WWOX: variants seen among roughly 807,000 people sequenced by gnomAD.
WWOX encodes WW domain-containing oxidoreductase.
In WWOX, 69 loss-of-function variants were observed where a neutral mutation model predicts 46.2. The ratio of observed to expected loss-of-function variants is 1.49; its 90% CI spans 1.23 to 1.82. The LOEUF (loss-of-function observed/expected upper bound fraction) is 1.82. Ranked by LOEUF, WWOX falls within the 40% of genes most tolerant of loss-of-function variation. The pLI is 0.00. For missense variants in WWOX, 919 were observed against 542.6 expected (o/e 1.69, Z -6.89); for synonymous variants, 359 against 202.6 (o/e 1.77, Z -6.56).
chr16:78,481,849 T>C (rs1225465830), intron 8 of WWOX, among the ~76,000 whole-genome samples: 1 of 151,114 alleles, frequency 6.6e-6, no homozygotes, highest in Non-Finnish European at 1.5e-5. Flanking sequence ...TATGAACCTT[T>C]TCTATTAATC....
intron 8 of WWOX, among the ~76,000 whole-genome samples, chr16:78,654,087 C>G (rs947944450): frequency 1.3e-5 from 2 of 152,162 alleles, no homozygotes; most frequent in African/African-American, 4.8e-5. Context: ...AATGCCTTCT[C>G]CTAAATCCAG....
intron 8 of WWOX, among the ~76,000 whole-genome samples, chr16:79,109,124 A>C (rs931854994): frequency 6.6e-6 from 1 of 151,980 alleles, no homozygotes; most frequent in African/African-American, 2.4e-5. Context: ...CTTGACAATA[A>C]ATGAGAACAA....
chr16:79,084,523 C>T (rs993131052), intron 8 of WWOX, among the ~76,000 whole-genome samples: 1 of 152,064 alleles, frequency 6.6e-6, no homozygotes, highest in Non-Finnish European at 1.5e-5. Flanking sequence ...CAGGTTCAGT[C>T]GATTCTCCTG....
chr16:78,859,050 G>GTATATATATATATATATATACGTATA (rs2052652341), intron 8 of WWOX, among the ~76,000 whole-genome samples: 3 of 40,844 alleles, frequency 7.3e-5, no homozygotes, highest in African/African-American at 3.3e-4. Flanking sequence ...ATATATATAT[G>GTATATATATATATATATATACGTATA]TATATATATA....
intron 5 of WWOX, among the ~76,000 whole-genome samples, chr16:78,309,338 A>C (rs1010683212): frequency 3.5e-4 from 54 of 152,258 alleles, no homozygotes; most frequent in Admixed American, 1.0e-3. Context: ...CCTGATTATA[A>C]GTTTCTTGAG....
intron 8 of WWOX, among the ~76,000 whole-genome samples, chr16:78,602,756 A>C (rs549747220): frequency 5.9e-5 from 9 of 152,314 alleles, no homozygotes; most frequent in African/African-American, 1.9e-4. Flanking sequence ...CACTGCACAA[A>C]ATGGTTTACA....
chr16:79,042,088 GCCTGCACCTGCTTGCTCTTGGTTAA>G (rs2047982252), intron 8 of WWOX, among the ~76,000 whole-genome samples: 1 of 152,088 alleles, frequency 6.6e-6, no homozygotes, highest in South Asian at 2.1e-4. Flanking sequence ...TGTTCCAGGT[GCCTGCACCTGCTTGCTCTTGGTTAA>G]CCTGCACCCA....
At chr16:78,506,733 A>G in intron 8 of WWOX, among the ~76,000 whole-genome samples, 1 of 111,086 alleles carries the variant, frequency 9.0e-6, no homozygotes, top group South Asian at 3.0e-4. Flanking sequence ...TTTTTTGTAC[A>G]GAGTCTTGCT....
At chr16:78,493,635 A>G (rs2084840324) in intron 8 of WWOX, among the ~76,000 whole-genome samples, 1 of 152,210 alleles carries the variant, frequency 6.6e-6, no homozygotes, top group Non-Finnish European at 1.5e-5. Context: ...ATATGTATCT[A>G]GTACTTGCTA....
chr16:78,396,798 C>T (rs969946879), intron 6 of WWOX, among the ~76,000 whole-genome samples: 1 of 152,188 alleles, frequency 6.6e-6, no homozygotes, highest in South Asian at 2.1e-4. Context: ...TTGAGTGTTA[C>T]ATGAGACTAT....
At chr16:78,846,444 G>C (rs537253210) in intron 8 of WWOX, among the ~76,000 whole-genome samples, 1 of 151,768 alleles carries the variant, frequency 6.6e-6, no homozygotes, top group Admixed American at 6.6e-5. Flanking sequence ...TTTTTTAATG[G>C]CCTTGAAATT....
At chr16:78,753,250 A>C (rs1369926845) in intron 8 of WWOX, among the ~76,000 whole-genome samples, 1 of 151,962 alleles carries the variant, frequency 6.6e-6, no homozygotes, top group African/African-American at 2.4e-5. Context: ...CAGTGAGCCG[A>C]GATTACACCA....
At chr16:79,137,411 G>C (rs2050003266) in intron 8 of WWOX, among the ~76,000 whole-genome samples, 1 of 152,168 alleles carries the variant, frequency 6.6e-6, no homozygotes, top group African/African-American at 2.4e-5. Context: ...TGATAACTTG[G>C]AGATGTAAGC....
At chr16:79,157,277 G>A (rs2050399975) in intron 8 of WWOX, among the ~76,000 whole-genome samples, 1 of 152,086 alleles carries the variant, frequency 6.6e-6, no homozygotes, top group Non-Finnish European at 1.5e-5. Context: ...GTTCATTTTA[G>A]TAGCAAGAAA....
At chr16:78,753,766 C>T (rs115153141) in intron 8 of WWOX, among the ~76,000 whole-genome samples, 1,453 of 129,328 alleles carry the variant, frequency 0.011, 28 homozygotes, top group African/African-American at 0.042. Context: ...CACACCACTG[C>T]AGTCAAGCCT....
At chr16:78,493,109 G>A (rs1175256388) in intron 8 of WWOX, among the ~76,000 whole-genome samples, 3 of 152,126 alleles carry the variant, frequency 2.0e-5, no homozygotes, top group Admixed American at 6.6e-5. Context: ...TTTTAGGTTT[G>A]GTGATTTACT....
chr16:79,144,843 AATTT>A (rs1251577693), intron 8 of WWOX, among the ~76,000 whole-genome samples: 1 of 152,176 alleles, frequency 6.6e-6, no homozygotes, highest in Non-Finnish European at 1.5e-5. Context: ...CTTTTATTAC[AATTT>A]ATTGTTATAA....
At chr16:78,422,674 TATATATATATAC>T (rs1320816484) in intron 6 of WWOX, among the ~76,000 whole-genome samples, 1 of 63,232 alleles carries the variant, frequency 1.6e-5, no homozygotes, top group Non-Finnish European at 2.8e-5. Flanking sequence ...TATATATATA[TATATATATATAC>T]ACACACACAC....
At chr16:78,314,794 C>T (rs535969045) in intron 5 of WWOX, among the ~76,000 whole-genome samples, 3 of 149,190 alleles carry the variant, frequency 2.0e-5, no homozygotes, top group East Asian at 4.1e-4. Context: ...TTAGGCAAGC[C>T]ACCCGCCTTG....
Sources: gnomAD v4.1 joint callset for allele counts (sites outside exome capture counted in the v4.1 genomes callset) on GRCh38, gnomAD v4.1.1 for gene constraint, MANE v1.5 for transcripts, NCBI Gene and HGNC (gene_info 2026-07-23, HGNC 2026-07-21) for gene names.